Variants in UHRF2 observed in about 807,000 individuals in gnomAD.
UHRF2 encodes the protein ubiquitin like with PHD and ring finger domains 2.
UHRF2 carries 23 observed loss-of-function variants against 96.8 expected under a neutral mutation model. That is an observed-to-expected ratio of 0.24 (90% CI 0.17 to 0.34). UHRF2 has a LOEUF of 0.34. Ranked by LOEUF, UHRF2 falls within the 10% of genes least tolerant of loss-of-function variation. UHRF2 has a pLI of 1.00. For synonymous variants in UHRF2, 385 were observed against 332.6 expected (o/e 1.16, Z -1.72); for missense variants, 685 against 981.5 (o/e 0.70, Z 4.04).
At chr9:6,493,123 C>G (rs1824765100) in intron 9 of UHRF2, among the ~76,000 whole-genome samples, 1 of 152,002 alleles carries the variant, frequency 6.6e-6, no homozygotes, top group East Asian at 1.9e-4. Context: ...CATGACAAAA[C>G]CCCATCTCTA....
At chr9:6,504,726 G>T in intron 15 of UHRF2, 35 bp downstream of exon 15, 1 of 1,534,658 alleles carries the variant, frequency 6.5e-7, no homozygotes, top group Non-Finnish European at 9.0e-7. Context: ...TCCCTGTTAG[G>T]TATGAAGGCA....
chr9:6,450,293 T>G (rs1306721672), intron 3 of UHRF2, among the ~76,000 whole-genome samples: 2 of 145,586 alleles, frequency 1.4e-5, no homozygotes, highest in African/African-American at 5.2e-5. Context: ...TATCTACAGA[T>G]TTCTTCCCCT....
intron 8 of UHRF2, among the ~76,000 whole-genome samples, chr9:6,485,260 T>C (rs1311691019): frequency 1.3e-5 from 2 of 152,246 alleles, no homozygotes; most frequent in African/African-American, 2.4e-5. Context: ...AAATTGAATA[T>C]ACTACTATAA....
intron 3 of UHRF2, among the ~76,000 whole-genome samples, chr9:6,455,385 G>A (rs949409968): frequency 3.3e-5 from 5 of 152,130 alleles, no homozygotes; most frequent in African/African-American, 7.2e-5. Context: ...GAGAGCATGC[G>A]GTGTTTGGTT....
chr9:6,445,981 C>CTTTGTTTTTTTTTTTTT lies in UHRF2; in HGVS notation c.644+11811_644+11812insGTTTTTTTTTTTTTTTT, dbSNP rs751155835. On this transcript the variant is annotated intron_variant, in intron 3 of 15. Transcript: ENST00000276893. ...TAAATACTCTTCCCCCCCCGCCACC[C>CTTTGTTTTTTTTTTTTT]TTTTTTTTTTTTTTTTTTTCCTGTT... Among the ~76,000 whole-genome samples, 75 of 78,896 alleles carry CTTTGTTTTTTTTTTTTT rather than the reference C, an allele frequency of 9.5e-4. 5 individuals carry two copies. The highest frequency in any genetic ancestry group is 3.8e-3 in the African/African-American group (73 of 19,050). 51.8% of individuals were successfully genotyped at this position (78,896 alleles called of 152,430 possible).
intron 4 of UHRF2, chr9:6,468,421 A>T (rs1390210467): frequency 2.2e-6 from 1 of 456,066 alleles, no homozygotes. Context: ...TCAAATAGTC[A>T]TCTCTTTGAA....
chr9:6,505,212 A>G (rs1020046537), intron 15 of UHRF2, among the ~76,000 whole-genome samples: 1 of 152,148 alleles, frequency 6.6e-6, no homozygotes, highest in Non-Finnish European at 1.5e-5. Context: ...AAATCTACAT[A>G]CGAGTTTGTG....
chr9:6,420,410 A>G (rs1819860938), intron 1 of UHRF2, among the ~76,000 whole-genome samples: 1 of 71,416 alleles, frequency 1.4e-5, no homozygotes, highest in Non-Finnish European at 2.6e-5. Context: ...TGGAGTAATT[A>G]TTAAGAATTT....
At chr9:6,424,412 G>A (rs968958054) in intron 2 of UHRF2, among the ~76,000 whole-genome samples, 5 of 152,162 alleles carry the variant, frequency 3.3e-5, no homozygotes, top group Non-Finnish European at 7.3e-5. Context: ...AAGCCAACTT[G>A]CCATTTTTTT....
chr9:6,419,903 C>T (rs887208183), intron 1 of UHRF2, among the ~76,000 whole-genome samples: 5 of 151,872 alleles, frequency 3.3e-5, no homozygotes, highest in Non-Finnish European at 7.4e-5. Context: ...TCACACCCGG[C>T]TACGTTTTTT....
chr9:6,421,093 C>A lies in UHRF2; in HGVS notation c.335C>A (p.Ser112Tyr). The change falls in exon 2 of 16, where the codon TCT becomes TAT. Residue 112 changes from serine (S) to tyrosine (Y), a missense_variant. Transcript: ENST00000276893. Reference protein sequence around the residue: ...APRVGPSNQPSTSARARLIDP... With the variant: ...APRVGPSNQPYTSARARLIDP... Reference sequence around the variant, plus strand: ...AGGGTAGGACCTTCCAATCAGCCATCTACATCAGCTCGTGCCCGTCTTATT... The same window carrying A: ...AGGGTAGGACCTTCCAATCAGCCATATACATCAGCTCGTGCCCGTCTTATT... The A allele has an allele frequency of 6.2e-7, 1 of 1,614,124 alleles. No individual in the cohort carries two copies. The highest frequency in any genetic ancestry group is 8.5e-7 in the Non-Finnish European group (1 of 1,180,028).
Position 6,504,681 on chromosome 9 carries a change from A to G in UHRF2, c.2252A>G (p.Asn751Ser). The change falls in exon 15 of 16, where the codon AAT becomes AGT. Residue 751 changes from asparagine to serine, a missense_variant. Asn to Ser is a conservative substitution (Grantham distance 46). Transcript: ENST00000276893. ...CCTGTGACAACTGAGTGCTTCCACAATGTCTGTAAAGTAAGTAGAATTCCT... is the reference window on the plus strand; with the variant it reads ...CCTGTGACAACTGAGTGCTTCCACAGTGTCTGTAAAGTAAGTAGAATTCCT... Reference protein sequence around the residue: ...YQPVTTECFHNVCKDCLQRSF... With the variant: ...YQPVTTECFHSVCKDCLQRSF... 4 of 1,613,100 alleles carry G rather than the reference A, an allele frequency of 2.5e-6. No individual in the cohort carries two copies. The highest frequency in any genetic ancestry group is 3.4e-6 in the Non-Finnish European group (4 of 1,179,278).
At chr9:6,428,800 C>G (rs1366704781) in intron 2 of UHRF2, among the ~76,000 whole-genome samples, 2 of 152,096 alleles carry the variant, frequency 1.3e-5, no homozygotes, top group African/African-American at 4.8e-5. Context: ...CCTCCTGCCA[C>G]TTCCTCCCAA....
chr9:6,464,156 AT>A (rs1822723578), intron 4 of UHRF2, among the ~76,000 whole-genome samples: 1 of 152,080 alleles, frequency 6.6e-6, no homozygotes, highest in Non-Finnish European at 1.5e-5. Context: ...ATAGTATTTC[AT>A]TTTGGCTTTG....
intron 4 of UHRF2, among the ~76,000 whole-genome samples, chr9:6,470,120 C>T (rs569476884): frequency 2.6e-5 from 4 of 152,236 alleles, no homozygotes; most frequent in Admixed American, 1.3e-4. Context: ...CCTATATAAT[C>T]GCAGCATTTT....
chr9:6,457,718 G>A (rs576545384), intron 3 of UHRF2, among the ~76,000 whole-genome samples: 6 of 152,210 alleles, frequency 3.9e-5, no homozygotes, highest in African/African-American at 1.4e-4. Context: ...TAGCATGAAG[G>A]GGTTGAATTT....
At chr9:6,481,859 G>A (rs1028615703) in intron 7 of UHRF2, 93 bp downstream of exon 7, 3 of 1,540,088 alleles carry the variant, frequency 1.9e-6, no homozygotes, top group Non-Finnish European at 2.6e-6. Context: ...AGATTAAACA[G>A]TATCATTATT....
intron 3 of UHRF2, among the ~76,000 whole-genome samples, chr9:6,439,777 C>T (rs1481835365): frequency 6.6e-6 from 1 of 152,186 alleles, no homozygotes; most frequent in South Asian, 2.1e-4. Context: ...GCACATACAA[C>T]TTGGCTGTGA....
At chr9:6,435,179 A>G (rs1820768517) in intron 3 of UHRF2, among the ~76,000 whole-genome samples, 1 of 151,942 alleles carries the variant, frequency 6.6e-6, no homozygotes. Context: ...TTTTTACTAG[A>G]TATGGGGTTT....
Sources: allele counts gnomAD v4.1 joint callset (sites outside exome capture counted in the v4.1 genomes callset), GRCh38; gene constraint gnomAD v4.1.1; transcripts MANE v1.5; gene names NCBI Gene and HGNC (gene_info 2026-07-23, HGNC 2026-07-21).